FRMD5: variants seen among roughly 807,000 people sequenced by gnomAD.
FRMD5 encodes the protein FERM domain containing 5, also known as FERM domain-containing protein 5.
A neutral mutation model predicts 69.0 loss-of-function variants in FRMD5; 20 were observed. That is an observed-to-expected ratio of 0.29 (90% CI 0.20 to 0.42). FRMD5 has a LOEUF of 0.42. Ranked by LOEUF, FRMD5 falls within the 10% of genes least tolerant of loss-of-function variation. The pLI is 1.00. For missense variants in FRMD5, 595 were observed against 708.6 expected (o/e 0.84, Z 1.82); for synonymous variants, 271 against 260.1 (o/e 1.04, Z -0.40).
Position 44,049,859 on chromosome 15 carries a change from T to C in FRMD5, c.103-125550A>G, listed in dbSNP as rs548455217. Among the ~76,000 whole-genome samples, 6 of 152,352 alleles carry C rather than the reference T, an allele frequency of 3.9e-5. No individual in the cohort carries two copies. The South Asian group carries it at 1.2e-3, about 32-fold the overall frequency. Reference sequence around the variant, plus strand: ...AGAGTTCTCCAATTGGGAATGATCTTTTCCATTACTGATTTTGGATAGTAT... The same window carrying C: ...AGAGTTCTCCAATTGGGAATGATCTCTTCCATTACTGATTTTGGATAGTAT... On this transcript the variant is annotated intron_variant, in intron 1 of 13. Transcript: ENST00000417257.
At chr15:44,110,171 T>C (rs1402043426) in intron 1 of FRMD5, among the ~76,000 whole-genome samples, 1 of 152,242 alleles carries the variant, frequency 6.6e-6, no homozygotes, top group African/African-American at 2.4e-5. Flanking sequence ...AAAGCTGTTA[T>C]AAACATCCAC....
intron 1 of FRMD5, among the ~76,000 whole-genome samples, chr15:44,116,407 C>A (rs1223412226): frequency 6.6e-6 from 1 of 151,942 alleles, no homozygotes; most frequent in African/African-American, 2.4e-5. Flanking sequence ...CTAAGGACGC[C>A]ACCACACCCA....
chr15:43,898,800 G>C (rs1397875836), intron 7 of FRMD5, among the ~76,000 whole-genome samples: 1 of 152,226 alleles, frequency 6.6e-6, no homozygotes, highest in Non-Finnish European at 1.5e-5. Context: ...GGTCAAGGCA[G>C]AAAATGCAGG....
intron 1 of FRMD5, among the ~76,000 whole-genome samples, chr15:44,085,500 G>C (rs1448333456): frequency 1.3e-5 from 2 of 152,100 alleles, no homozygotes; most frequent in East Asian, 1.9e-4. Flanking sequence ...AAACAGAAGA[G>C]AAAGCAAATG....
At chr15:43,995,945 G>T (rs1283178202) in intron 1 of FRMD5, among the ~76,000 whole-genome samples, 2 of 152,222 alleles carry the variant, frequency 1.3e-5, no homozygotes, top group Non-Finnish European at 1.5e-5. Flanking sequence ...GAACAGGGCT[G>T]AACCCCAGAG....
chr15:43,883,633 A>G (rs2088590551), intron 13 of FRMD5, 70 bp downstream of exon 13: 14 of 1,072,010 alleles, frequency 1.3e-5, no homozygotes, highest in Middle Eastern at 2.4e-4. Context: ...AATGCAAATT[A>G]GCCTCTTTTC....
intron 1 of FRMD5, chr15:44,101,632 T>C (rs550241275): frequency 6.6e-6 from 1 of 152,656 alleles, no homozygotes; most frequent in South Asian, 2.1e-4. Flanking sequence ...AAGGTGAGGA[T>C]GAACAAACAT....
At chr15:44,005,812 C>A (rs1403420260) in intron 1 of FRMD5, among the ~76,000 whole-genome samples, 3 of 152,190 alleles carry the variant, frequency 2.0e-5, no homozygotes, top group Non-Finnish European at 4.4e-5. Flanking sequence ...TCCCACCAGG[C>A]CCTACCTCCA....
chr15:43,935,441 G>A (rs1013714699), intron 1 of FRMD5, among the ~76,000 whole-genome samples: 4 of 152,174 alleles, frequency 2.6e-5, no homozygotes, highest in Admixed American at 6.5e-5. Flanking sequence ...CCGAGATCGT[G>A]CCATTGCAAC....
chr15:43,920,235 G>A (rs1410981242), intron 2 of FRMD5, among the ~76,000 whole-genome samples: 1 of 151,716 alleles, frequency 6.6e-6, no homozygotes, highest in Non-Finnish European at 1.5e-5. Context: ...TTCTTTTTTT[G>A]GCAGGGGAGT....
At chr15:44,165,294 C>T (rs1406308318) in intron 1 of FRMD5, among the ~76,000 whole-genome samples, 2 of 151,942 alleles carry the variant, frequency 1.3e-5, no homozygotes, top group Admixed American at 6.6e-5. Context: ...TGGTGGCACA[C>T]GCCTGTAATC....
At chr15:43,876,808 A>G (rs2088372826) in intron 13 of FRMD5, among the ~76,000 whole-genome samples, 1 of 152,194 alleles carries the variant, frequency 6.6e-6, no homozygotes, top group Admixed American at 6.5e-5. Flanking sequence ...TGGGTCTAGA[A>G]TAGGCTGAAA....
chr15:43,992,760 G>A (rs1191004842), intron 1 of FRMD5, among the ~76,000 whole-genome samples: 1 of 152,104 alleles, frequency 6.6e-6, no homozygotes, highest in Non-Finnish European at 1.5e-5. Context: ...GCCCAGGCTG[G>A]AGTACAATGG....
intron 1 of FRMD5, among the ~76,000 whole-genome samples, chr15:44,085,097 TC>T (rs1894143417): frequency 6.6e-6 from 1 of 152,188 alleles, no homozygotes; most frequent in Non-Finnish European, 1.5e-5. Context: ...TTATATAGAT[TC>T]TTATTTGGCA....
At chr15:43,963,558 T>C (rs1182365658) in intron 1 of FRMD5, among the ~76,000 whole-genome samples, 1 of 152,198 alleles carries the variant, frequency 6.6e-6, no homozygotes, top group African/African-American at 2.4e-5. Flanking sequence ...CATTACTGGG[T>C]ATATTCCCAA....
At chr15:44,130,136 C>A (rs1336043080) in intron 1 of FRMD5, among the ~76,000 whole-genome samples, 1 of 152,322 alleles carries the variant, frequency 6.6e-6, no homozygotes, top group South Asian at 2.1e-4. Context: ...TAACCACCCT[C>A]TCCCCTCTAA....
At chr15:43,986,141 G>GT (rs1007005012) in intron 1 of FRMD5, among the ~76,000 whole-genome samples, 11 of 152,206 alleles carry the variant, frequency 7.2e-5, no homozygotes, top group Admixed American at 7.2e-4. Flanking sequence ...TAACAGATGT[G>GT]TATCACGATC....
rs1021851339 is a variant in FRMD5, at chr15:44,055,509, C to A, written c.103-131200G>T. Among the ~76,000 whole-genome samples, 3 of 152,156 alleles carry A rather than the reference C, an allele frequency of 2.0e-5. 1 individual carries two copies. The highest frequency in any genetic ancestry group is 4.4e-5 in the Non-Finnish European group (3 of 68,024). The stretch of plus-strand genomic sequence containing the variant: ...CCTGTAACTGACACTATACTATCAA[C>A]ATAAAGTCACTATACACACTACAAG... On this transcript the variant is annotated intron_variant, in intron 1 of 13. Transcript: ENST00000417257.
rs2088225810 is a variant in FRMD5 at position 43,873,639 on chromosome 15, CAG to C, written c.*244_*245del. ...TCCTGCAAATTGGAAAGATGAGAAA[CAG>C]AGTCGCTGAGCCTTTCTTGAAATAA... is the stretch of plus-strand genomic sequence containing the variant. On this transcript the variant is annotated 3_prime_UTR_variant, in exon 14 of 14. Transcript: ENST00000417257. 2.7e-6 allele frequency: 4 copies of C among 1,483,492 alleles called. No individual in the cohort carries two copies. The highest frequency in any genetic ancestry group is 3.5e-6 in the Non-Finnish European group (4 of 1,127,054). The allele number at this position is 1,483,492 out of a possible 1,614,324, so 91.9% of individuals were successfully genotyped here.
Sources: allele counts gnomAD v4.1 joint callset (sites outside exome capture counted in the v4.1 genomes callset), GRCh38; gene constraint gnomAD v4.1.1; transcripts MANE v1.5; gene names NCBI Gene and HGNC (gene_info 2026-07-23, HGNC 2026-07-21).